BCLAF1: variants seen among roughly 807,000 people sequenced by gnomAD.
The protein encoded by BCLAF1 is BCL2 associated transcription factor 1.
Under a neutral mutation model 99.5 loss-of-function variants are expected in BCLAF1, and 10 were observed. The ratio of observed to expected loss-of-function variants is 0.10; its 90% CI spans 0.06 to 0.17. BCLAF1 has a LOEUF of 0.17. Ranked by LOEUF, BCLAF1 falls within the 10% of genes least tolerant of loss-of-function variation. The probability of loss-of-function intolerance (pLI) is 1.00; values close to 1 mark genes in which losing one functional copy is unlikely to be tolerated. For missense variants in BCLAF1, 636 were observed against 1,105.8 expected, an observed-to-expected ratio of 0.58 and a Z score of 6.02; for synonymous variants, 255 against 370.9, an observed-to-expected ratio of 0.69 and a Z score of 3.59.
At chr6:136,280,891 C>G (rs1784305755) in intron 2 of BCLAF1, among the ~76,000 whole-genome samples, 1 of 152,164 alleles carries the variant, frequency 6.6e-6, no homozygotes, top group Non-Finnish European at 1.5e-5. Context: ...AAAAAGTATT[C>G]ATTTCAATAA....
At chr6:136,281,827 G>GAA (rs1784416516) in intron 2 of BCLAF1, among the ~76,000 whole-genome samples, 1 of 152,164 alleles carries the variant, frequency 6.6e-6, no homozygotes. Context: ...CTGGGCTTGT[G>GAA]GCACACGAGC....
In BCLAF1 at chr6:136,284,128, G is replaced by GTATATATATATATATA. The variant is rs1242722909; in HGVS notation, c.-114-1442_-114-1441insTATATATATATATATA. ...TATATACATATATATGTGTGTGTGT[G>GTATATATATATATATA]TGTATATATATATATATATATATAT... On this transcript the variant is annotated intron_variant, in intron 1 of 12. Coordinates refer to ENST00000531224, the MANE Select transcript of BCLAF1 (RefSeq NM_014739.3). Among the ~76,000 whole-genome samples the GTATATATATATATATA allele has an allele frequency of 2.0e-3, 160 of 81,282 alleles. 1 individual carries two copies. The highest frequency in any genetic ancestry group is 6.7e-3 in the African/African-American group (148 of 22,132). The allele number at this position is 81,282 out of a possible 152,430, so 53.3% of individuals were successfully genotyped here.
Position 136,273,153 on chromosome 6 carries a change from G to A in BCLAF1, c.1887C>T (p.Asn629=), listed in dbSNP as rs148264625. Residue 629 remains asparagine, a synonymous_variant, in exon 7 of 13, where the codon AAC becomes AAT. Transcript: ENST00000531224. ...CTTTCTGATACGAAGTGAACCGCTCGTTTAGGGTCATTGCAGCTGACTTGA... is the reference window on the plus strand; with the variant it reads ...CTTTCTGATACGAAGTGAACCGCTCATTTAGGGTCATTGCAGCTGACTTGA... ...QYFKSAAMTL[N]ERFTSYQKAT... is the part of the protein sequence containing the mutation. 157 of 1,612,116 alleles carry A rather than the reference G, an allele frequency of 9.7e-5. No individual in the cohort carries two copies. In the African/African-American group the frequency reaches 9.9e-4, roughly 10 times the overall value.
Position 136,273,088 on chromosome 6 carries a change from A to G in BCLAF1, c.1952T>C (p.Ile651Thr). 1 of 1,610,602 alleles carries G rather than the reference A, an allele frequency of 6.2e-7. No individual in the cohort carries two copies. Residue 651 changes from isoleucine (I) to threonine (T), a missense_variant, in exon 7 of 13, where the codon ATA becomes ACA. By Grantham distance (89) the Ile-to-Thr change is moderately conservative. Coordinates refer to ENST00000531224, the MANE Select transcript of BCLAF1 (RefSeq NM_014739.3). The part of the protein sequence containing the change: ...EHSTRQKSPE[I>T]HRRIDISPST... The stretch of plus-strand genomic sequence containing the variant: ...AGTTCAGCAGGATACATACCTGTGT[A>G]TTTCAGGGCTCTTTTGCCGAGTACT...
chr6:136,279,193 A>C (rs1784021770), intron 3 of BCLAF1, among the ~76,000 whole-genome samples: 2 of 152,174 alleles, frequency 1.3e-5, no homozygotes, highest in South Asian at 4.1e-4. Flanking sequence ...CTATTAATTA[A>C]ATACATACAT....
intron 11 of BCLAF1, among the ~76,000 whole-genome samples, chr6:136,263,371 A>G (rs1040667173): frequency 3.9e-5 from 6 of 152,136 alleles, no homozygotes; most frequent in Non-Finnish European, 7.3e-5. Context: ...TTAATATACA[A>G]TCATCTGAAA....
At chr6:136,282,293 G>C (rs1484974397) in intron 2 of BCLAF1, among the ~76,000 whole-genome samples, 1 of 151,886 alleles carries the variant, frequency 6.6e-6, no homozygotes, top group African/African-American at 2.4e-5. Flanking sequence ...GTTTACATTA[G>C]GGAAATGGGT....
intron 11 of BCLAF1, among the ~76,000 whole-genome samples, chr6:136,264,028 G>C (rs1323186088): frequency 1.3e-5 from 2 of 152,054 alleles, no homozygotes; most frequent in Admixed American, 1.3e-4. Context: ...TGACCCCATT[G>C]CACTAGCCAC....
Position 136,260,450 on chromosome 6 carries a change from A to G in BCLAF1, c.*660T>C, listed in dbSNP as rs574831293. On this transcript the variant is annotated 3_prime_UTR_variant, in exon 13 of 13. Transcript: ENST00000531224. The stretch of plus-strand genomic sequence containing the variant: ...CTCCTAAGAATGTTCTTTATAGGCC[A>G]CTGCTTGCTTTCAGTAAAAATAACA... 6.6e-6 allele frequency: 1 copy of G among 152,322 alleles called. No individual in the cohort carries two copies. The highest frequency in any genetic ancestry group is 2.4e-5 in the African/African-American group (1 of 41,572). 9.4% of individuals were successfully genotyped at this position (152,322 alleles called of 1,614,324 possible).
intron 9 of BCLAF1, 86 bp downstream of exon 9, chr6:136,269,351 A>C: frequency 6.3e-7 from 1 of 1,578,536 alleles, no homozygotes; most frequent in Non-Finnish European, 8.6e-7. Flanking sequence ...ATTCGATTAC[A>C]CAGTCAAAAT....
At chr6:136,276,909 T>C (rs1394553976) in intron 4 of BCLAF1, among the ~76,000 whole-genome samples, 2 of 152,230 alleles carry the variant, frequency 1.3e-5, no homozygotes, top group East Asian at 3.8e-4. Context: ...TATCTATTAA[T>C]ATAAACAAGA....
intron 1 of BCLAF1, among the ~76,000 whole-genome samples, chr6:136,284,696 T>C (rs1438249705): frequency 6.6e-6 from 1 of 152,288 alleles, no homozygotes; most frequent in Non-Finnish European, 1.5e-5. Context: ...GTGCCTTACA[T>C]GCCAGGCACT....
At chr6:136,272,936 A>C in intron 7 of BCLAF1, 146 bp downstream of exon 7, 1 of 532,258 alleles carries the variant, frequency 1.9e-6, no homozygotes. Flanking sequence ...TAGAATTTTC[A>C]AGACTTTGAA....
chr6:136,278,296 T>C lies in BCLAF1; in HGVS notation c.585A>G (p.Pro195=), dbSNP rs777017758. 36 of 1,614,192 alleles carry C rather than the reference T, an allele frequency of 2.2e-5. No individual in the cohort carries two copies. Among genetic ancestry groups the C allele is most frequent in the Non-Finnish European group, 2.6e-5 (31 of 1,180,022 alleles). Reference sequence around the variant, plus strand: ...TATTAAATTCATCGATAGACTCAGATGGGTCATGTTCAAATGTATCTTTCG... The same window carrying C: ...TATTAAATTCATCGATAGACTCAGACGGGTCATGTTCAAATGTATCTTTCG... ...EEPKDTFEHD[P]SESIDEFNKS... is the part of the protein sequence containing the mutation. Residue 195 remains proline, a synonymous_variant, in exon 4 of 13, where the codon CCA becomes CCG. Coordinates refer to ENST00000531224, the MANE Select transcript of BCLAF1 (RefSeq NM_014739.3).
rs1218754248 is a variant in BCLAF1 at position 136,278,732 on chromosome 6, T to C, written c.149A>G (p.Asp50Gly). The change falls in exon 4 of 13, where the codon GAT becomes GGT. Residue 50 changes from aspartate (D) to glycine (G), a missense_variant. Asp to Gly is a moderately conservative substitution (Grantham distance 94). This residue lies in a region of BCLAF1 where 81 missense variants were observed against 132.5 expected (regional missense o/e 0.61). Transcript: ENST00000531224. Reference protein sequence around the residue: ...SRTYSRSRSRDRMYSRDYRRD... With the variant: ...SRTYSRSRSRGRMYSRDYRRD... ...ACGATAATCTCTAGAATACATACGA[T>C]CTCTACTACGAGACCTTGAATATGT... 6.2e-7 allele frequency: 1 copy of C among 1,605,042 alleles called. No homozygotes were observed. The highest frequency in any genetic ancestry group is 8.5e-7 in the Non-Finnish European group (1 of 1,177,270).
chr6:136,261,121 A>AAT lies in BCLAF1; in HGVS notation c.2758-7_2758-6insAT. ...TTACTTCATATTTATTATTCCTAAA[A>AAT]GAGAGAGAAAAAATTAAAGATTAAC... On this transcript the variant is annotated splice_polypyrimidine_tract_variant and splice_region_variant and intron_variant, in intron 12 of 12. Transcript: ENST00000531224. 6 of 1,577,518 alleles carry AAT rather than the reference A, an allele frequency of 3.8e-6. No individual in the cohort carries two copies. Among genetic ancestry groups the AAT allele is most frequent in the Non-Finnish European group, 5.2e-6 (6 of 1,161,910 alleles).
At chr6:136,271,799 G>T in intron 8 of BCLAF1, 196 bp downstream of exon 8, 2 of 382,316 alleles carry the variant, frequency 5.2e-6, no homozygotes, top group Non-Finnish European at 4.8e-6. Flanking sequence ...AACACTCTTG[G>T]TTTAAATTTA....
intron 11 of BCLAF1, among the ~76,000 whole-genome samples, chr6:136,262,641 G>T (rs1388823175): frequency 6.6e-6 from 1 of 152,094 alleles, no homozygotes; most frequent in Non-Finnish European, 1.5e-5. Context: ...AGGTGTACAT[G>T]ACTCTATAAT....
intron 6 of BCLAF1, 120 bp downstream of exon 6, chr6:136,275,412 A>T: frequency 1.0e-6 from 1 of 976,508 alleles, no homozygotes; most frequent in Non-Finnish European, 1.4e-6. Context: ...TCCAAGTTTT[A>T]ATAATATTGG....
Sources: gnomAD v4.1 joint callset for allele counts (sites outside exome capture counted in the v4.1 genomes callset) on GRCh38, gnomAD v4.1.1 for gene constraint, gnomAD v4.1.1 regional missense constraint, MANE v1.5 for transcripts, NCBI Gene and HGNC (gene_info 2026-07-23, HGNC 2026-07-21) for gene names.